SPDYA: variants seen among roughly 807,000 people sequenced by gnomAD.
SPDYA encodes speedy protein A.
A neutral mutation model predicts 36.7 loss-of-function variants in SPDYA; 11 were observed. The ratio of observed to expected loss-of-function variants is 0.30; its 90% CI spans 0.19 to 0.50. The LOEUF is 0.50. SPDYA is among the 20% of genes least tolerant of loss of function. SPDYA has a pLI of 0.98. For synonymous variants in SPDYA, 115 were observed against 118.7 expected (o/e 0.97, Z 0.20); for missense variants, 287 against 370.9 (o/e 0.77, Z 1.86).
chr2:28,846,490 G>T (rs973725195), intron 7 of SPDYA, among the ~76,000 whole-genome samples: 1 of 152,040 alleles, frequency 6.6e-6, no homozygotes, highest in Non-Finnish European at 1.5e-5. Context: ...GGTATAAAAG[G>T]TAGGGCCTCT....
At chr2:28,812,190 T>C (rs1489497786) in intron 1 of SPDYA, among the ~76,000 whole-genome samples, 1 of 152,194 alleles carries the variant, frequency 6.6e-6, no homozygotes, top group Admixed American at 6.5e-5. Context: ...AGAGATGTTT[T>C]GAGAATTAAA....
At chr2:28,847,646 TGA>T (rs945486536) in intron 7 of SPDYA, among the ~76,000 whole-genome samples, 22 of 150,344 alleles carry the variant, frequency 1.5e-4, no homozygotes, top group Non-Finnish European at 2.5e-4. Context: ...CTCGGGAGGC[TGA>T]GACCGGGGAA....
rs1412499742 is a variant in SPDYA at position 28,819,867 on chromosome 2, T to A, written c.294+761T>A. Among the ~76,000 whole-genome samples the A allele has an allele frequency of 1.1e-3, 7 of 6,316 alleles. No homozygotes were observed. The East Asian group carries it at 0.071, about 64-fold the overall frequency. 4.1% of individuals were successfully genotyped at this position (6,316 alleles called of 152,430 possible). A position where few individuals can be genotyped will look rare whatever the true frequency, so the allele number is the denominator to read the frequency against. ...AAAAAAAAATATATATATATATATA[T>A]ATATATATATATATATATATATATA... is the stretch of plus-strand genomic sequence containing the variant. On this transcript the variant is annotated intron_variant, in intron 4 of 7. Transcript: ENST00000334056.
chr2:28,844,185 T>G (rs1303237453), intron 7 of SPDYA, among the ~76,000 whole-genome samples: 1 of 152,204 alleles, frequency 6.6e-6, no homozygotes, highest in African/African-American at 2.4e-5. Flanking sequence ...GTTAATAATG[T>G]GATAAGGGCT....
intron 5 of SPDYA, among the ~76,000 whole-genome samples, chr2:28,827,076 C>T (rs938712925): frequency 4.0e-5 from 6 of 150,788 alleles, no homozygotes; most frequent in Admixed American, 6.7e-5. Flanking sequence ...GTAGCTGGGA[C>T]TACTGGCGCC....
chr2:28,817,392 T>A (rs531617156), intron 3 of SPDYA, among the ~76,000 whole-genome samples: 49 of 152,122 alleles, frequency 3.2e-4, no homozygotes, highest in African/African-American at 7.9e-4. Flanking sequence ...AGAAACCCTG[T>A]CTCTACTAAA....
intron 4 of SPDYA, 79 bp downstream of exon 4, chr2:28,819,185 G>A: frequency 9.3e-7 from 1 of 1,080,436 alleles, no homozygotes; most frequent in Non-Finnish European, 1.4e-6. Context: ...GACCTTATAA[G>A]AATTTTCTAT....
At chr2:28,849,796 A>G in intron 7 of SPDYA, 54 bp from the exon 8 acceptor site, 1 of 1,040,376 alleles carries the variant, frequency 9.6e-7, no homozygotes, top group East Asian at 2.5e-5. Flanking sequence ...TATAAGATGT[A>G]TTTAAAATGG....
intron 7 of SPDYA, among the ~76,000 whole-genome samples, chr2:28,843,856 T>G (rs190494262): frequency 6.6e-6 from 1 of 152,254 alleles, no homozygotes; most frequent in Non-Finnish European, 1.5e-5. Context: ...TACTATTGTT[T>G]CTCCTTACTG....
intron 3 of SPDYA, among the ~76,000 whole-genome samples, chr2:28,818,173 G>GA (rs994496298): frequency 6.3e-4 from 96 of 151,998 alleles, no homozygotes; most frequent in African/African-American, 2.2e-3. Flanking sequence ...TTAAAAAAAG[G>GA]AAAAAAAGTT....
intron 7 of SPDYA, among the ~76,000 whole-genome samples, chr2:28,842,852 A>G (rs1668781619): frequency 6.6e-6 from 1 of 152,194 alleles, no homozygotes; most frequent in African/African-American, 2.4e-5. Flanking sequence ...ACATGATGCT[A>G]CAGGAGTGGG....
chr2:28,831,292 A>C (rs1268481131), intron 6 of SPDYA, among the ~76,000 whole-genome samples: 2 of 152,206 alleles, frequency 1.3e-5, no homozygotes, highest in Non-Finnish European at 2.9e-5. Flanking sequence ...CAGAAGATTC[A>C]GGCTGCAGTG....
chr2:28,819,621 G>A (rs989934559), intron 4 of SPDYA, among the ~76,000 whole-genome samples: 43 of 151,458 alleles, frequency 2.8e-4, no homozygotes, highest in African/African-American at 1.0e-3. Context: ...CATAGATTCA[G>A]TCTATACTTA....
chr2:28,841,440 A>AAAT (rs1167471004), intron 7 of SPDYA, among the ~76,000 whole-genome samples: 2 of 152,154 alleles, frequency 1.3e-5, no homozygotes, highest in Non-Finnish European at 2.9e-5. Context: ...AAATGTCTAG[A>AAAT]AATAGTACTA....
Position 28,815,831 on chromosome 2 carries a change from G to A in SPDYA, c.-18-166G>A, listed in dbSNP as rs558609014. 2.6e-5 allele frequency among the ~76,000 whole-genome samples: 4 copies of A among 152,244 alleles called. No individual in the cohort carries two copies. In the East Asian group the frequency reaches 7.7e-4, roughly 29 times the overall value. ...CAAAAGAAGCATAGCTTTTCCTAGC[G>A]CTGAATTTCAAAAGCAATTTTTAAT... On this transcript the variant is annotated intron_variant, in intron 2 of 7. Coordinates refer to ENST00000334056, the MANE Select transcript of SPDYA (RefSeq NM_182756.4).
chr2:28,833,484 C>T (rs1307571571), intron 6 of SPDYA, among the ~76,000 whole-genome samples: 1 of 152,168 alleles, frequency 6.6e-6, no homozygotes, highest in African/African-American at 2.4e-5. Context: ...TTAAATGTCA[C>T]CTCAGAGAGA....
chr2:28,834,207 CA>C (rs1034754270), intron 6 of SPDYA, among the ~76,000 whole-genome samples: 5 of 151,660 alleles, frequency 3.3e-5, no homozygotes, highest in African/African-American at 1.2e-4. Context: ...TGGCTATAAA[CA>C]AAACAAAAAT....
intron 7 of SPDYA, chr2:28,840,906 T>C (rs1352428390): frequency 5.0e-6 from 2 of 399,526 alleles, no homozygotes; most frequent in East Asian, 3.3e-4. Flanking sequence ...TTTTCCCATG[T>C]CATTATTGAG....
Position 28,822,309 on chromosome 2 carries a change from A to G in SPDYA, c.295-16A>G. The stretch of plus-strand genomic sequence containing the variant: ...AGCAAAACATTAATATTAATTTTTA[A>G]CTTTTTTCCTTATAGTATCTTTTGG... On this transcript the variant is annotated splice_polypyrimidine_tract_variant and intron_variant, in intron 4 of 7. Coordinates refer to ENST00000334056, the MANE Select transcript of SPDYA (RefSeq NM_182756.4). The G allele has an allele frequency of 7.6e-7, 1 of 1,321,364 alleles. No individual in the cohort carries two copies. The highest frequency in any genetic ancestry group is 1.0e-6 in the Non-Finnish European group (1 of 962,114). 81.9% of individuals were successfully genotyped at this position (1,321,364 alleles called of 1,614,324 possible).
Sources: gnomAD v4.1 joint callset for allele counts (sites outside exome capture counted in the v4.1 genomes callset) on GRCh38, gnomAD v4.1.1 for gene constraint, MANE v1.5 for transcripts, NCBI Gene and HGNC (gene_info 2026-07-23, HGNC 2026-07-21) for gene names.